The following DCX variants were observed in gnomAD, a reference collection of about 807,000 sequenced individuals.
The protein encoded by DCX is neuronal migration protein doublecortin.
Under a neutral mutation model 20.9 loss-of-function variants are expected in DCX, and 4 were observed. The observed-to-expected ratio is 0.19, with a 90% CI of 0.09 to 0.44. DCX has a LOEUF of 0.44. DCX is among the 20% of genes least tolerant of loss of function. The probability of loss-of-function intolerance (pLI) is 0.99; values close to 1 mark genes in which losing one functional copy is unlikely to be tolerated. For synonymous variants in DCX, 103 were observed against 111.4 expected, an observed-to-expected ratio of 0.92 and a Z score of 0.47; for missense variants, 133 against 296.9, an observed-to-expected ratio of 0.45 and a Z score of 4.06.
At chrX:111,377,094 A>G (rs1925593708) in intron 3 of DCX, among the ~76,000 whole-genome samples, 1 of 110,485 alleles carries the variant, frequency 9.1e-6, no homozygotes, top group African/African-American at 3.3e-5. Flanking sequence ...GAAACACCTG[A>G]CCCCTCCTCC....
At chrX:111,307,785 A>C (rs1047140159) in intron 6 of DCX, among the ~76,000 whole-genome samples, 2 of 112,096 alleles carry the variant, frequency 1.8e-5, no homozygotes, top group African/African-American at 6.5e-5. Flanking sequence ...ACACTGAACC[A>C]CTGGGCTTTA....
chrX:111,378,262 C>G (rs756577153), intron 3 of DCX, among the ~76,000 whole-genome samples: 43 of 111,883 alleles, frequency 3.8e-4, no homozygotes, highest in Admixed American at 7.6e-4. Flanking sequence ...TGTTGAGAAT[C>G]TCCCAATATT....
At chrX:111,333,931 C>G (rs1396523365) in intron 3 of DCX, among the ~76,000 whole-genome samples, 14 of 112,283 alleles carry the variant, frequency 1.2e-4, no homozygotes, top group African/African-American at 4.2e-4. Context: ...AGTCTCCCCA[C>G]TTCTCAGCTT....
At chrX:111,379,325 A>G (rs2147724632) in intron 3 of DCX, among the ~76,000 whole-genome samples, 1 of 111,396 alleles carries the variant, frequency 9.0e-6, no homozygotes, top group South Asian at 3.8e-4. Flanking sequence ...GAACATTCTC[A>G]TCACCCCCAA....
chrX:111,404,001 G>A (rs1928011723), intron 2 of DCX, among the ~76,000 whole-genome samples: 1 of 108,100 alleles, frequency 9.3e-6, no homozygotes, highest in African/African-American at 3.4e-5. Context: ...AGCTGAGATC[G>A]CACCACTGCA....
At chrX:111,396,783 C>T (rs1196387394) in intron 3 of DCX, among the ~76,000 whole-genome samples, 2 of 111,900 alleles carry the variant, frequency 1.8e-5, no homozygotes, top group Admixed American at 1.9e-4. Context: ...ACCATCCAAT[C>T]CTCTATCATG....
chrX:111,361,022 G>A (rs1389149761), intron 3 of DCX, among the ~76,000 whole-genome samples: 1 of 111,407 alleles, frequency 9.0e-6, no homozygotes, highest in African/African-American at 3.3e-5. Context: ...TACCCACTAG[G>A]TGCCAGTAGC....
intron 3 of DCX, among the ~76,000 whole-genome samples, chrX:111,360,020 A>G (rs73545289): frequency 0.15 from 16,949 of 111,924 alleles, 3,075 homozygotes; most frequent in African/African-American, 0.52. Flanking sequence ...TGTGTACAAA[A>G]ATGCCTATTG....
intron 5 of DCX, among the ~76,000 whole-genome samples, chrX:111,313,215 C>A (rs1341774685): frequency 9.0e-6 from 1 of 110,790 alleles, no homozygotes; most frequent in African/African-American, 3.3e-5. Flanking sequence ...TGAAAGACAG[C>A]CCCATTGTTA....
chrX:111,398,314 A>C (rs1400871574), intron 3 of DCX, among the ~76,000 whole-genome samples: 2 of 109,083 alleles, frequency 1.8e-5, no homozygotes, highest in African/African-American at 3.4e-5. Context: ...TTTATAGAGC[A>C]TCCATAATAT....
intron 3 of DCX, among the ~76,000 whole-genome samples, chrX:111,346,757 AATAAT>A (rs1483835293): frequency 8.9e-6 from 1 of 112,449 alleles, no homozygotes; most frequent in Non-Finnish European, 1.9e-5. Flanking sequence ...TAAAAACATT[AATAAT>A]ATAATATACC....
rs953235272 is a variant in DCX, at chrX:111,312,817, C to T, written c.947-81G>A. On this transcript the variant is annotated intron_variant, in intron 5 of 6. Coordinates refer to ENST00000636035, the MANE Select transcript of DCX (RefSeq NM_001195553.2). Reference sequence around the variant, plus strand: ...AAGTTATCCTTCCCCTCAGAAGACACTAAGAACATTCAAACAAGGTACACA... The same window carrying T: ...AAGTTATCCTTCCCCTCAGAAGACATTAAGAACATTCAAACAAGGTACACA... The T allele has an allele frequency of 9.5e-6, 9 of 948,841 alleles. No individual in the cohort carries two copies. In the South Asian group the frequency reaches 1.8e-4, roughly 19 times the overall value. 78.2% of individuals were successfully genotyped at this position (948,841 alleles called of 1,213,427 possible).
At chrX:111,359,825 G>C (rs904386337) in intron 3 of DCX, among the ~76,000 whole-genome samples, 1 of 111,840 alleles carries the variant, frequency 8.9e-6, no homozygotes, top group African/African-American at 3.2e-5. Context: ...TTACCCACCA[G>C]ACTAGTACAA....
intron 3 of DCX, among the ~76,000 whole-genome samples, chrX:111,349,600 C>T (rs1204315142): frequency 9.0e-6 from 1 of 111,674 alleles, no homozygotes; most frequent in Non-Finnish European, 1.9e-5. Context: ...TGGTAAGGGA[C>T]ATACAGCTTG....
chrX:111,342,458 A>G (rs1251047995), intron 3 of DCX, among the ~76,000 whole-genome samples: 2 of 97,150 alleles, frequency 2.1e-5, no homozygotes, highest in Admixed American at 2.3e-4. Flanking sequence ...CTCCCACACA[A>G]TAATAGTGGG....
At chrX:111,354,966 A>G (rs1490367034) in intron 3 of DCX, among the ~76,000 whole-genome samples, 2 of 112,381 alleles carry the variant, frequency 1.8e-5, no homozygotes, top group Non-Finnish European at 3.7e-5. Flanking sequence ...AGTAAGGACC[A>G]GGCCTGTTGC....
intron 3 of DCX, among the ~76,000 whole-genome samples, chrX:111,351,884 C>T (rs1923339447): frequency 1.8e-5 from 2 of 111,344 alleles, no homozygotes; most frequent in South Asian, 3.8e-4. Flanking sequence ...GTCACCAGGC[C>T]CGGCTAATTT....
At chrX:111,372,076 C>T (rs1246539095) in intron 3 of DCX, among the ~76,000 whole-genome samples, 1 of 111,004 alleles carries the variant, frequency 9.0e-6, no homozygotes, top group Non-Finnish European at 1.9e-5. Context: ...CCCAATGTTG[C>T]TGGTCCACAC....
intron 3 of DCX, 66 bp from the exon 4 acceptor site, chrX:111,333,219 T>G: frequency 1.1e-6 from 1 of 877,354 alleles, no homozygotes; most frequent in Admixed American, 2.3e-5. Context: ...CACACTACAC[T>G]GACAAGGAGA....
Sources: allele counts gnomAD v4.1 joint callset (sites outside exome capture counted in the v4.1 genomes callset), GRCh38; gene constraint gnomAD v4.1.1; transcripts MANE v1.5; gene names NCBI Gene and HGNC (gene_info 2026-07-23, HGNC 2026-07-21).